BICRAL: variants seen among roughly 807,000 people sequenced by gnomAD.
The protein encoded by BICRAL is BRD4-interacting chromatin-remodeling complex-associated protein-like.
Under a neutral mutation model 91.8 loss-of-function variants are expected in BICRAL, and 8 were observed. The ratio of observed to expected loss-of-function variants is 0.09; its 90% confidence interval spans 0.05 to 0.16. The LOEUF is 0.16. BICRAL is among the 10% of genes least tolerant of loss of function. The pLI is 1.00. For missense variants in BICRAL, 1,038 were observed against 1,310.9 expected (o/e 0.79, Z 3.21); for synonymous variants, 445 against 491.1 (o/e 0.91, Z 1.24).
At chr6:42,814,499 G>GTGTATATATATA (rs374054837) in intron 2 of BICRAL, among the ~76,000 whole-genome samples, 47 of 61,256 alleles carry the variant, frequency 7.7e-4, no homozygotes, top group African/African-American at 3.1e-3. Flanking sequence ...GTGTGTGTGT[G>GTGTATATATATA]TATATATATA....
chr6:42,791,758 C>G (rs1763280496), intron 1 of BICRAL, among the ~76,000 whole-genome samples: 1 of 152,110 alleles, frequency 6.6e-6, no homozygotes, highest in Admixed American at 6.6e-5. Flanking sequence ...ACCACTGCAC[C>G]TGGCCTCTGA....
intron 2 of BICRAL, among the ~76,000 whole-genome samples, chr6:42,813,808 A>G (rs1488614450): frequency 3.9e-5 from 6 of 152,142 alleles, no homozygotes; most frequent in Non-Finnish European, 8.8e-5. Context: ...GGCGTGAGCC[A>G]CCGTGCCCAT....
At chr6:42,778,807 C>CT (rs762482367), upstream of BICRAL, among the ~76,000 whole-genome samples, 4 of 151,812 alleles carry the variant, frequency 2.6e-5, no homozygotes, top group East Asian at 5.8e-4. Context: ...AAGCAAGACC[C>CT]TGTCTCTTAT....
At chr6:42,771,231 T>C (rs1239516133) in intron 1 of BICRAL, among the ~76,000 whole-genome samples, 1 of 152,222 alleles carries the variant, frequency 6.6e-6, no homozygotes, top group Non-Finnish European at 1.5e-5. Context: ...TTTCCTGTCG[T>C]TGGCGCCACG....
chr6:42,856,619 C>G (rs977100518), intron 9 of BICRAL, among the ~76,000 whole-genome samples: 9 of 152,022 alleles, frequency 5.9e-5, no homozygotes, highest in Admixed American at 3.9e-4. Flanking sequence ...GGTGATCCAC[C>G]CACCTCAGCC....
intron 2 of BICRAL, among the ~76,000 whole-genome samples, chr6:42,815,696 A>C (rs1763970585): frequency 6.6e-6 from 1 of 151,994 alleles, no homozygotes; most frequent in African/African-American, 2.4e-5. Context: ...TTTAAGATAC[A>C]GTATTTCTTG....
chr6:42,800,427 G>A (rs1207907983), intron 1 of BICRAL, among the ~76,000 whole-genome samples: 1 of 152,092 alleles, frequency 6.6e-6, no homozygotes, highest in Non-Finnish European at 1.5e-5. Context: ...GCCCCCCAAA[G>A]TGCTGGGATT....
At chr6:42,856,655 G>A (rs1328671179) in intron 9 of BICRAL, among the ~76,000 whole-genome samples, 3 of 152,032 alleles carry the variant, frequency 2.0e-5, no homozygotes, top group Non-Finnish European at 2.9e-5. Context: ...ATTACAGGTA[G>A]TGTATACATT....
chr6:42,830,237 C>G, intron 6 of BICRAL, 65 bp downstream of exon 6: 1 of 1,506,270 alleles, frequency 6.6e-7, no homozygotes, highest in Non-Finnish European at 9.0e-7. Flanking sequence ...TGTGTATTTA[C>G]TAGAATATAA....
At chr6:42,852,952 C>G (rs1765236483) in intron 7 of BICRAL, among the ~76,000 whole-genome samples, 1 of 151,308 alleles carries the variant, frequency 6.6e-6, no homozygotes, top group African/African-American at 2.4e-5. Flanking sequence ...ATTGTCCTAG[C>G]TACCCAGGAG....
chr6:42,864,558 T>G (rs1303759148), intron 12 of BICRAL, 101 bp from the exon 13 acceptor site: 2 of 868,520 alleles, frequency 2.3e-6, no homozygotes, highest in East Asian at 4.8e-5. Context: ...ATTCTGTGAG[T>G]GGGGCTGGCT....
chr6:42,855,791 C>T (rs9381223), intron 8 of BICRAL, 65 bp from the exon 9 acceptor site: 107,511 of 1,267,450 alleles, frequency 0.085, 6,621 homozygotes, highest in African/African-American at 0.3. Context: ...CTATAGTGAC[C>T]TTTATGTATA....
At chr6:42,803,732 A>G (rs1009063881) in intron 1 of BICRAL, among the ~76,000 whole-genome samples, 9 of 152,204 alleles carry the variant, frequency 5.9e-5, no homozygotes, top group African/African-American at 2.2e-4. Context: ...AAGTATACTC[A>G]TATGTTGCTT....
intron 5 of BICRAL, among the ~76,000 whole-genome samples, 185 bp downstream of exon 5, chr6:42,823,188 C>G (rs925027218): frequency 1.3e-5 from 2 of 152,088 alleles, no homozygotes. Context: ...TGCAGTGGTG[C>G]GATCACAGCT....
At position 42,865,318 on chromosome 6, in the gene BICRAL, T is replaced by G. The variant is rs1427705593; in HGVS notation, c.3112T>G (p.Phe1038Val). 6.2e-7 allele frequency: 1 copy of G among 1,613,984 alleles called. No homozygotes were observed. The highest frequency in any genetic ancestry group is 8.5e-7 in the Non-Finnish European group (1 of 1,180,008). The change falls in exon 13 of 13, where the codon TTC (phenylalanine) becomes GTC (valine). Residue 1038 changes from phenylalanine to valine, a missense_variant. By Grantham distance (50) the Phe-to-Val change is conservative. This residue lies in a region of BICRAL where 92 missense variants were observed against 147.8 expected (regional missense o/e 0.62). Transcript: ENST00000314073. ...PTVSGSVELDFPNFSPMASQE... is the reference protein window; with the variant it reads ...PTVSGSVELDVPNFSPMASQE... Reference sequence around the variant, plus strand: ...GGTTAGCGGCTCTGTTGAGTTAGATTTCCCCAACTTTTCTCCTATGGCTTC... The same window carrying G: ...GGTTAGCGGCTCTGTTGAGTTAGATGTCCCCAACTTTTCTCCTATGGCTTC...
rs577495341 is a variant in BICRAL, at chr6:42,811,552, CG to C, written c.-6+1153del. ...AGGAGAATCACTTGAACCTGGGAGG[CG>C]GAGGTTGCAGTGAGCTGAGATTGCG... is the stretch of plus-strand genomic sequence containing the variant. On this transcript the variant is annotated intron_variant, in intron 2 of 12. Transcript: ENST00000314073. 1.3e-3 allele frequency among the ~76,000 whole-genome samples: 201 copies of C among 150,396 alleles called. 1 individual carries two copies. Among genetic ancestry groups the C allele is most frequent in the Non-Finnish European group, 2.5e-3 (171 of 67,756 alleles).
intron 2 of BICRAL, among the ~76,000 whole-genome samples, chr6:42,817,221 A>G (rs1404010983): frequency 1.3e-5 from 2 of 151,576 alleles, no homozygotes; most frequent in East Asian, 3.9e-4. Context: ...TTGGGAACAT[A>G]ATGTACATAA....
chr6:42,853,233 T>G (rs1324681076), intron 7 of BICRAL, among the ~76,000 whole-genome samples: 1 of 151,470 alleles, frequency 6.6e-6, no homozygotes, highest in African/African-American at 2.4e-5. Context: ...ACCCAATTAG[T>G]ACTTAAAAAA....
At chr6:42,759,422 C>A (rs1010187372) in intron 1 of BICRAL, among the ~76,000 whole-genome samples, 3 of 152,058 alleles carry the variant, frequency 2.0e-5, no homozygotes, top group Non-Finnish European at 4.4e-5. Context: ...AGTTTGGAGG[C>A]CATTGCAGGA....
Sources: allele counts gnomAD v4.1 joint callset (sites outside exome capture counted in the v4.1 genomes callset), GRCh38; gene constraint gnomAD v4.1.1; regional missense constraint gnomAD v4.1.1; transcripts MANE v1.5; gene names NCBI Gene and HGNC (gene_info 2026-07-23, HGNC 2026-07-21).